ATP8B2: variants seen among roughly 807,000 people sequenced by gnomAD.
ATP8B2 encodes the protein phospholipid-transporting ATPase ID.
ATP8B2 carries 70 observed loss-of-function variants against 133.4 expected under a neutral mutation model. That is an observed-to-expected ratio of 0.52 (90% CI 0.43 to 0.64). The LOEUF is 0.64. Ranked by LOEUF, ATP8B2 falls within the 30% of genes least tolerant of loss-of-function variation. The pLI is 0.00. For synonymous variants in ATP8B2, 517 were observed against 589.5 expected (o/e 0.88, Z 1.78); for missense variants, 1,101 against 1,535.7 (o/e 0.72, Z 4.73).
intron 14 of ATP8B2, 104 bp downstream of exon 14, chr1:154,342,627 G>C: frequency 6.8e-7 from 1 of 1,475,988 alleles, no homozygotes; most frequent in East Asian, 2.3e-5. Flanking sequence ...AATGGAAGCT[G>C]CTTGGAGAAA....
chr1:154,330,880 G>A lies in ATP8B2; in HGVS notation c.156G>A (p.Gln52=), dbSNP rs752758454. 1 of 1,614,156 alleles carries A rather than the reference G, an allele frequency of 6.2e-7. No homozygotes were observed. Among genetic ancestry groups the A allele is most frequent in the African/African-American group, 1.3e-5 (1 of 75,024 alleles). Residue 52 remains glutamine (Q), a synonymous_variant, in exon 4 of 28, where the codon CAG becomes CAA. Coordinates refer to ENST00000368489, the MANE Select transcript of ATP8B2 (RefSeq NM_001370597.1). ...LTFLPVNLFE[Q]FQEVANTYFL... ...TCCTGCCTGTCAACCTCTTTGAGCA[G>A]TTCCAGGAAGTTGCCAACACTTACT...
In ATP8B2 at chr1:154,343,040, C is replaced by CT; in HGVS notation, c.1454-72dup. 1 of 1,593,570 alleles carries CT rather than the reference C, an allele frequency of 6.3e-7. No homozygotes were observed. The highest frequency in any genetic ancestry group is 1.3e-5 in the African/African-American group (1 of 74,506). On this transcript the variant is annotated intron_variant, in intron 15 of 27. Transcript: ENST00000368489. This position sits in a 1 kb window ranked among gnomAD's most constrained non-coding sequence, Gnocchi z 5.8. ...TGCTCTGCTCTGCAATGCGGCTGGG[C>CT]TGGGGCTTCCTGGGCGGGGCACGTG... is the stretch of plus-strand genomic sequence containing the variant.
At chr1:154,341,328 T>C (rs1187921035) in intron 13 of ATP8B2, 8 of 507,126 alleles carry the variant, frequency 1.6e-5, no homozygotes, top group Non-Finnish European at 2.2e-5. Context: ...CTACAAAAAA[T>C]TTAAAAATTA....
chr1:154,327,926 T>C, intron 1 of ATP8B2, 179 bp from the exon 2 acceptor site: 1 of 1,566,350 alleles, frequency 6.4e-7, no homozygotes, highest in Non-Finnish European at 8.8e-7. Flanking sequence ...TGGGAGGTGG[T>C]GGGGAAGTCC....
chr1:154,346,687 ACTTTGCCATCCT>A lies in ATP8B2; in HGVS notation c.3102_3113del (p.Ile1034_Ala1037del). 6.2e-7 allele frequency: 1 copy of A among 1,614,118 alleles called. No homozygotes were observed. The highest frequency in any genetic ancestry group is 8.5e-7 in the Non-Finnish European group (1 of 1,180,032). On this transcript the variant is annotated inframe_deletion, in exon 26 of 28. Coordinates refer to ENST00000368489, the MANE Select transcript of ATP8B2 (RefSeq NM_001370597.1). This position sits in a 1 kb window ranked among gnomAD's most constrained non-coding sequence, Gnocchi z 4.5. ...TTCATCTGGGGAAGCCTTGCTGTTT[ACTTTGCCATCCT>A]CTTTGCCATGCACAGCAATGGGCTC...
rs944529825 is a variant in ATP8B2, at chr1:154,331,524, C to G, written c.365+19C>G. 6.2e-7 allele frequency: 1 copy of G among 1,614,020 alleles called. No individual in the cohort carries two copies. The highest frequency in any genetic ancestry group is 8.5e-7 in the Non-Finnish European group (1 of 1,179,874). On this transcript the variant is annotated intron_variant, in intron 6 of 27. Transcript: ENST00000368489. This position sits in a 1 kb window ranked among gnomAD's most constrained non-coding sequence, Gnocchi z 4.8. The stretch of plus-strand genomic sequence containing the variant: ...ATGGAATGTGAGTGCCTGTTGGAGA[C>G]AAGAGCTCTGGGGACGAAGGGGGTC...
Position 154,334,555 on chromosome 1 carries a change from G to A in ATP8B2, c.801G>A (p.Thr267=), listed in dbSNP as rs748760558. The A allele has an allele frequency of 8.7e-6, 14 of 1,613,884 alleles. No homozygotes were observed. In the East Asian group the frequency reaches 8.9e-5, roughly 10 times the overall value. Residue 267 remains threonine (T), a synonymous_variant, in exon 11 of 28, where the codon ACG becomes ACA. Transcript: ENST00000368489. This position sits in a 1 kb window ranked among gnomAD's most constrained non-coding sequence, Gnocchi z 4.6. ...GCGGCAGAACAAAGTTCAAAAGAACGAGTATCGATCGCCTAATGAATACCC... is the reference window on the plus strand; with the variant it reads ...GCGGCAGAACAAAGTTCAAAAGAACAAGTATCGATCGCCTAATGAATACCC... ...QNSGRTKFKR[T]SIDRLMNTLV... is the part of the protein sequence containing the mutation.
intron 1 of ATP8B2, 125 bp from the exon 2 acceptor site, chr1:154,327,980 G>A (rs1685849432): frequency 6.6e-7 from 1 of 1,510,512 alleles, no homozygotes; most frequent in Non-Finnish European, 9.2e-7. Context: ...GGAGAGACTG[G>A]GAGAAGGAGG....
In ATP8B2 at chr1:154,345,491, T is replaced by G. The variant is rs1686551862; in HGVS notation, c.2640T>G (p.Phe880Leu). 6.2e-7 allele frequency: 1 copy of G among 1,614,106 alleles called. No homozygotes were observed. The highest frequency in any genetic ancestry group is 1.7e-5 in the Admixed American group (1 of 60,010). ...KFLCYFFYKN[F>L]AFTMVHFWFG... is the part of the protein sequence containing the mutation. The stretch of plus-strand genomic sequence containing the variant: ...TTTGCTATTTCTTCTACAAAAACTT[T>G]GCTTTCACCATGGTCCACTTCTGGT... The change falls in exon 23 of 28, where the codon TTT becomes TTG. Residue 880 changes from phenylalanine (F) to leucine (L), a missense_variant. Transcript: ENST00000368489. The surrounding 1 kb of genome is among the most constrained non-coding windows in gnomAD (Gnocchi z 5.6).
intron 11 of ATP8B2, among the ~76,000 whole-genome samples, chr1:154,336,062 A>G (rs1488845284): frequency 1.3e-5 from 2 of 148,628 alleles, no homozygotes; most frequent in East Asian, 2.0e-4. Flanking sequence ...AAAAAAGGCC[A>G]TCTATGTGAG....
At chr1:154,329,302 G>A (rs754255936) in intron 2 of ATP8B2, among the ~76,000 whole-genome samples, 1 of 152,214 alleles carries the variant, frequency 6.6e-6, no homozygotes, top group Admixed American at 6.5e-5. Flanking sequence ...TTATGGGAGT[G>A]AAGTGGCTTG....
At position 154,344,002 on chromosome 1, in the gene ATP8B2, A is replaced by G. The variant is rs370316975; in HGVS notation, c.1868A>G (p.Asp623Gly). 1 of 1,614,060 alleles carries G rather than the reference A, an allele frequency of 6.2e-7. No homozygotes were observed. Among genetic ancestry groups the G allele is most frequent in the African/African-American group, 1.3e-5 (1 of 74,936 alleles). The change falls in exon 18 of 28, where the codon GAC becomes GGC. Residue 623 changes from aspartate to glycine, a missense_variant. Physicochemically the swap from Asp to Gly is moderately conservative, Grantham distance 94 (BLOSUM62 -1). Transcript: ENST00000368489. This position sits in a 1 kb window ranked among gnomAD's most constrained non-coding sequence, Gnocchi z 4.1. ...ERRLQASLAQ[D>G]SREDRLASIY... ...CGCCTCCAGGCCAGCCTGGCCCAGG[A>G]CAGCCGGGAGGACAGGCTGGCTAGC...
Position 154,348,823 on chromosome 1 carries a change from C to G in ATP8B2, c.3295-17C>G. ...CCTCCACGCTGACAGAGGGCTCTTCCCTGTGCCCCTCTGCAGGTCCGCTAC... is the reference window on the plus strand; with the variant it reads ...CCTCCACGCTGACAGAGGGCTCTTCGCTGTGCCCCTCTGCAGGTCCGCTAC... On this transcript the variant is annotated splice_polypyrimidine_tract_variant and intron_variant, in intron 27 of 27. Transcript: ENST00000368489. The G allele has an allele frequency of 6.4e-7, 1 of 1,573,986 alleles. No homozygotes were observed. Among genetic ancestry groups the G allele is most frequent in the Non-Finnish European group, 8.7e-7 (1 of 1,154,648 alleles).
rs1162134040 is a variant in ATP8B2, at chr1:154,342,889, G to T, written c.1381G>T (p.Asp461Tyr). 3 of 1,614,136 alleles carry T rather than the reference G, an allele frequency of 1.9e-6. No individual in the cohort carries two copies. The highest frequency in any genetic ancestry group is 1.7e-5 in the Admixed American group (1 of 60,034). ...CCTGCTGGAGGCTGTCAAGATCGGG[G>T]ACCCCCACACGCATGAGTTCTTCCG... is the stretch of plus-strand genomic sequence containing the variant. The part of the protein sequence containing the change: ...PSLLEAVKIG[D>Y]PHTHEFFRLL... Residue 461 changes from aspartate to tyrosine, a missense_variant, in exon 15 of 28, where the codon GAC becomes TAC. Physicochemically the swap from Asp to Tyr is radical, Grantham distance 160. Transcript: ENST00000368489.
In ATP8B2 at chr1:154,350,917, G is replaced by A. The variant is rs1686766704; in HGVS notation, c.*1799G>A. 1 of 150,558 alleles carries A rather than the reference G, an allele frequency of 6.6e-6. No homozygotes were observed. Among genetic ancestry groups the A allele is most frequent in the Non-Finnish European group, 1.5e-5 (1 of 67,636 alleles). The allele number at this position is 150,558 out of a possible 1,614,324, so 9.3% of individuals were successfully genotyped here. A position where few individuals can be genotyped will look rare whatever the true frequency, so the allele number is the denominator to read the frequency against. ...ATGGGAGCCCCAAAGGAACTGGATG[G>A]GCTGCAGTGAGGTGGGGGCGGGTGG... On this transcript the variant is annotated 3_prime_UTR_variant, in exon 28 of 28. Transcript: ENST00000368489.
chr1:154,329,027 G>A (rs1351953162), intron 2 of ATP8B2: 1 of 1,303,868 alleles, frequency 7.7e-7, no homozygotes, highest in South Asian at 1.2e-5. Context: ...GTGGGCCCGG[G>A]CCCAGGCGCC....
In ATP8B2 at chr1:154,342,893, C is replaced by CCCA; in HGVS notation, c.1387_1389dup (p.His463dup). 1 of 1,614,118 alleles carries CCCA rather than the reference C, an allele frequency of 6.2e-7. No homozygotes were observed. Among genetic ancestry groups the CCCA allele is most frequent in the Non-Finnish European group, 8.5e-7 (1 of 1,180,024 alleles). ...CTGGAGGCTGTCAAGATCGGGGACC[C>CCCA]CCACACGCATGAGTTCTTCCGCCTC... On this transcript the variant is annotated inframe_insertion, in exon 15 of 28. Coordinates refer to ENST00000368489, the MANE Select transcript of ATP8B2 (RefSeq NM_001370597.1).
Position 154,349,446 on chromosome 1 carries a change from A to G in ATP8B2, c.*328A>G, listed in dbSNP as rs904223677. The G allele has an allele frequency of 2.8e-6, 1 of 354,208 alleles. No individual in the cohort carries two copies. Among genetic ancestry groups the G allele is most frequent in the African/African-American group, 2.0e-5 (1 of 49,282 alleles). 21.9% of individuals were successfully genotyped at this position (354,208 alleles called of 1,614,324 possible). A position where few individuals can be genotyped will look rare whatever the true frequency, so the allele number is the denominator to read the frequency against. On this transcript the variant is annotated 3_prime_UTR_variant, in exon 28 of 28. Coordinates refer to ENST00000368489, the MANE Select transcript of ATP8B2 (RefSeq NM_001370597.1). The stretch of plus-strand genomic sequence containing the variant: ...TCTGCCCCTGCCCTGCCTGGGACCC[A>G]CAGGGAGACTATAATCTCCTTATTT...
At position 154,348,391 on chromosome 1, in the gene ATP8B2, C is replaced by T; in HGVS notation, c.3164-17C>T. 1 of 1,592,854 alleles carries T rather than the reference C, an allele frequency of 6.3e-7. No individual in the cohort carries two copies. The highest frequency in any genetic ancestry group is 8.6e-7 in the Non-Finnish European group (1 of 1,163,724). On this transcript the variant is annotated splice_polypyrimidine_tract_variant and intron_variant, in intron 26 of 27. Transcript: ENST00000368489. ...GCCTCGTGACTCCCAAGGCCACTGA[C>T]TCCTCTTCATCCCCAGGGAATGCCC...
Sources: allele counts gnomAD v4.1 joint callset (sites outside exome capture counted in the v4.1 genomes callset), GRCh38; gene constraint gnomAD v4.1.1; non-coding constraint Gnocchi (gnomAD v3.1); transcripts MANE v1.5; gene names NCBI Gene and HGNC (gene_info 2026-07-23, HGNC 2026-07-21).